Variants in GPM6A observed in about 807,000 individuals in gnomAD.
GPM6A encodes the protein glycoprotein M6A, also known as neuronal membrane glycoprotein M6-a.
Under a neutral mutation model 32.1 loss-of-function variants are expected in GPM6A, and 7 were observed. The observed-to-expected ratio is 0.22, with a 90% confidence interval of 0.12 to 0.41. The LOEUF (loss-of-function observed/expected upper bound fraction) is 0.41, where lower values mean the gene tolerates loss of function less well. Among genes scored for constraint, GPM6A ranks in the 10% least tolerant of loss-of-function variants. The probability of loss-of-function intolerance (pLI) is 1.00; values close to 1 mark genes in which losing one functional copy is unlikely to be tolerated. For synonymous variants in GPM6A, 130 were observed against 123.4 expected, an observed-to-expected ratio of 1.05 and a Z score of -0.35; for missense variants, 235 against 347.2, an observed-to-expected ratio of 0.68 and a Z score of 2.57.
intron 1 of GPM6A, among the ~76,000 whole-genome samples, chr4:175,756,339 T>G (rs1732522328): frequency 2.0e-5 from 3 of 152,022 alleles, no homozygotes; most frequent in African/African-American, 2.4e-5. Flanking sequence ...AACATAGAGA[T>G]TAGCAACACA....
intron 1 of GPM6A, among the ~76,000 whole-genome samples, chr4:175,838,978 A>G (rs2111381597): frequency 6.6e-6 from 1 of 152,132 alleles, no homozygotes; most frequent in East Asian, 1.9e-4. Context: ...ATTTTAATCT[A>G]TATATGATAA....
At chr4:175,837,596 C>T (rs1282289727) in intron 1 of GPM6A, among the ~76,000 whole-genome samples, 6 of 151,992 alleles carry the variant, frequency 3.9e-5, no homozygotes, top group African/African-American at 7.2e-5. Flanking sequence ...CCTAAAAGCC[C>T]GCCTGTGAGG....
chr4:175,701,874 G>T (rs1356790468), intron 1 of GPM6A, 107 bp from the exon 2 acceptor site: 2 of 695,446 alleles, frequency 2.9e-6, no homozygotes, highest in Non-Finnish European at 4.8e-6. Context: ...GACAATACCA[G>T]GTCAACCATA....
At chr4:175,773,482 T>TA (rs1357586634) in intron 1 of GPM6A, among the ~76,000 whole-genome samples, 3 of 152,114 alleles carry the variant, frequency 2.0e-5, no homozygotes, top group Admixed American at 2.0e-4. Context: ...CAATCAGAGC[T>TA]AAAAAAGGAT....
chr4:175,654,404 G>A lies in GPM6A; in HGVS notation c.388-2417C>T, dbSNP rs529831320. The A allele has an allele frequency of 2.0e-4, 30 of 152,294 alleles. 1 individual carries two copies. The highest frequency in any genetic ancestry group is 6.7e-4 in the African/African-American group (28 of 41,568). The allele number at this position is 152,294 out of a possible 1,614,324, so 9.4% of individuals were successfully genotyped here. On this transcript the variant is annotated intron_variant, in intron 3 of 6. Transcript: ENST00000393658. ...TCACATGCTTAAGTGAGCCTGAGATGAGATAATGCATGAAAAGCATTTAGC... is the reference window on the plus strand; with the variant it reads ...TCACATGCTTAAGTGAGCCTGAGATAAGATAATGCATGAAAAGCATTTAGC...
chr4:175,878,381 C>A (rs1198184848), intron 1 of GPM6A, among the ~76,000 whole-genome samples: 3 of 152,328 alleles, frequency 2.0e-5, no homozygotes, highest in African/African-American at 7.2e-5. Flanking sequence ...ACCCCTGTAG[C>A]AGACATCTGC....
At position 175,634,359 on chromosome 4, in the gene GPM6A, A is replaced by G. The variant is rs937446182; in HGVS notation, c.*546T>C. The G allele has an allele frequency of 4.6e-5, 7 of 152,534 alleles. No homozygotes were observed. The highest frequency in any genetic ancestry group is 1.7e-4 in the African/African-American group (7 of 41,432). 9.4% of individuals were successfully genotyped at this position (152,534 alleles called of 1,614,324 possible). On this transcript the variant is annotated 3_prime_UTR_variant, in exon 7 of 7. Transcript: ENST00000393658. Reference sequence around the variant, plus strand: ...AATTGCACCTTAGATTGATGAAAACATGAACCAGGGCCTACAGTAATATGG... The same window carrying G: ...AATTGCACCTTAGATTGATGAAAACGTGAACCAGGGCCTACAGTAATATGG...
chr4:175,860,914 C>G (rs751065165), intron 1 of GPM6A, among the ~76,000 whole-genome samples: 10 of 152,020 alleles, frequency 6.6e-5, no homozygotes, highest in Non-Finnish European at 1.3e-4. Context: ...ATGGTGAATT[C>G]TAGGAAAAAT....
intron 1 of GPM6A, among the ~76,000 whole-genome samples, chr4:175,733,120 GT>G (rs958412878): frequency 1.3e-5 from 2 of 151,862 alleles, no homozygotes; most frequent in East Asian, 1.9e-4. Context: ...CAAAATCACT[GT>G]TTTTTTTAAA....
In GPM6A at chr4:175,889,768, G is replaced by A. The variant is rs144349082; in HGVS notation, c.-22-77519C>T. Among the ~76,000 whole-genome samples the A allele has an allele frequency of 2.5e-4, 37 of 150,284 alleles. No homozygotes were observed. In the East Asian group the frequency reaches 7.0e-3, roughly 28 times the overall value. On this transcript the variant is annotated intron_variant, in intron 1 of 7. Transcript: ENST00000280187. ...GCGGAGCTTGCAGTGAGCCGAGATC[G>A]CGCCACTGCACTCCAGCCTGGGTGA...
intron 1 of GPM6A, among the ~76,000 whole-genome samples, chr4:175,755,912 A>G (rs1732506089): frequency 6.6e-6 from 1 of 152,190 alleles, no homozygotes; most frequent in Non-Finnish European, 1.5e-5. Flanking sequence ...TTGACATCAC[A>G]AGACCTGCAG....
In GPM6A at chr4:175,735,671, G is replaced by A. The variant is rs542271951; in HGVS notation, c.38-33904C>T. ...GACTCCAGGGTTCAAGTGATTCTCCGGCCTCAGCCTCCTGAGTAGCTGGGA... is the reference window on the plus strand; with the variant it reads ...GACTCCAGGGTTCAAGTGATTCTCCAGCCTCAGCCTCCTGAGTAGCTGGGA... On this transcript the variant is annotated intron_variant, in intron 1 of 6. Coordinates refer to ENST00000393658, the MANE Select transcript of GPM6A (RefSeq NM_201591.3). Among the ~76,000 whole-genome samples, 44 of 151,508 alleles carry A rather than the reference G, an allele frequency of 2.9e-4. 1 individual carries two copies. The highest frequency in any genetic ancestry group is 1.0e-3 in the African/African-American group (42 of 41,304).
At position 175,905,999 on chromosome 4, in the gene GPM6A, T is replaced by G. The variant is rs147636287; in HGVS notation, c.-22-93750A>C. On this transcript the variant is annotated intron_variant, in intron 1 of 7. Transcript: ENST00000280187. ...CATTTGGGAAGTCAACAGAATAACA[T>G]TGCAGCAGGGACTTCTCTTGGTAAT... Among the ~76,000 whole-genome samples, 581 of 152,252 alleles carry G rather than the reference T, an allele frequency of 3.8e-3. 5 individuals are homozygous for G. The highest frequency in any genetic ancestry group is 0.028 in the Admixed American group (421 of 15,268).
chr4:175,830,838 T>C (rs1223824516), intron 1 of GPM6A, among the ~76,000 whole-genome samples: 1 of 152,108 alleles, frequency 6.6e-6, no homozygotes, highest in African/African-American at 2.4e-5. Context: ...ATTTGTTCGT[T>C]TATATATCCT....
chr4:175,695,340 C>A (rs756172826), intron 2 of GPM6A, among the ~76,000 whole-genome samples: 2 of 152,168 alleles, frequency 1.3e-5, no homozygotes, highest in African/African-American at 4.8e-5. Context: ...CCTGGAAAAG[C>A]CATAGGCATT....
intron 1 of GPM6A, among the ~76,000 whole-genome samples, chr4:175,942,788 G>A (rs565704145): frequency 6.6e-6 from 1 of 152,308 alleles, no homozygotes. Context: ...TAGCCTTGTA[G>A]TATAGTTTGA....
intron 1 of GPM6A, among the ~76,000 whole-genome samples, chr4:175,751,747 T>G (rs966180928): frequency 6.7e-6 from 1 of 148,734 alleles, no homozygotes; most frequent in Non-Finnish European, 1.5e-5. Flanking sequence ...ATGCACCTGT[T>G]TTTTTTTTTG....
At chr4:175,754,972 C>A (rs1256310507) in intron 1 of GPM6A, among the ~76,000 whole-genome samples, 2 of 152,010 alleles carry the variant, frequency 1.3e-5, no homozygotes, top group South Asian at 4.1e-4. Context: ...CCCCCCACAA[C>A]ACACACGCAC....
chr4:176,000,445 A>G (rs1467362986), intron 1 of GPM6A, among the ~76,000 whole-genome samples: 1 of 152,238 alleles, frequency 6.6e-6, no homozygotes, highest in Non-Finnish European at 1.5e-5. Flanking sequence ...TGGGCATTGA[A>G]GCAAAATCCA....
Sources: gnomAD v4.1 joint callset for allele counts (sites outside exome capture counted in the v4.1 genomes callset) on GRCh38, gnomAD v4.1.1 for gene constraint, MANE v1.5 for transcripts, NCBI Gene and HGNC (gene_info 2026-07-23, HGNC 2026-07-21) for gene names.